GPI: variants seen among roughly 807,000 people sequenced by gnomAD.
GPI encodes the protein glucose-6-phosphate isomerase.
GPI carries 56 observed loss-of-function variants against 75.8 expected under a neutral mutation model. The ratio of observed to expected loss-of-function variants is 0.74; its 90% confidence interval spans 0.60 to 0.92. The LOEUF (loss-of-function observed/expected upper bound fraction) is 0.92. Among genes scored for constraint, GPI ranks in the 40% least tolerant of loss-of-function variants. The pLI, the probability that GPI is intolerant of heterozygous loss-of-function variation, is 0.00. For synonymous variants in GPI, 288 were observed against 285.4 expected (o/e 1.01, Z -0.09); for missense variants, 638 against 741.0 (o/e 0.86, Z 1.61).
chr19:34,365,578 G>A, intron 1 of GPI, 190 bp downstream of exon 1: 1 of 989,098 alleles, frequency 1.0e-6, no homozygotes, highest in Non-Finnish European at 1.5e-6. Context: ...CTGGGGGCTT[G>A]CAGCCTCGCC....
chr19:34,399,666 A>G, intron 16 of GPI, 35 bp downstream of exon 16: 1 of 1,613,430 alleles, frequency 6.2e-7, no homozygotes, highest in Non-Finnish European at 8.5e-7. Flanking sequence ...GGCTTGGGGT[A>G]GGTTGGAATG....
At chr19:34,382,820 T>C (rs1005511541) in intron 9 of GPI, among the ~76,000 whole-genome samples, 5 of 152,218 alleles carry the variant, frequency 3.3e-5, no homozygotes, top group Non-Finnish European at 5.9e-5. Context: ...CACAGGAACA[T>C]GGGGCCAGGG....
upstream of GPI, chr19:34,364,900 C>T (rs922480247): frequency 1.4e-6 from 2 of 1,387,894 alleles, no homozygotes. Flanking sequence ...ACAGGGAGTG[C>T]AGCGGCGCGA....
intron 9 of GPI, among the ~76,000 whole-genome samples, chr19:34,386,866 A>T (rs1465127261): frequency 6.6e-6 from 1 of 151,608 alleles, no homozygotes; most frequent in African/African-American, 2.4e-5. Flanking sequence ...AAGTTGGTAG[A>T]ACTACGCATC....
intron 9 of GPI, among the ~76,000 whole-genome samples, chr19:34,387,425 A>G (rs537680974): frequency 6.4e-4 from 98 of 151,980 alleles, no homozygotes; most frequent in Non-Finnish European, 1.2e-3. Context: ...CTACGGATCC[A>G]GGCTCAATGG....
chr19:34,380,787 C>A, intron 8 of GPI: 2 of 173,788 alleles, frequency 1.2e-5, no homozygotes, highest in Middle Eastern at 3.0e-3. Flanking sequence ...CTCCCTCCCA[C>A]CCCCTCCACC....
intron 14 of GPI, chr19:34,398,255 A>C (rs917595310): frequency 6.6e-6 from 1 of 151,870 alleles, no homozygotes; most frequent in Non-Finnish European, 1.5e-5. Context: ...GAGTCTCAGT[A>C]TGTTGCCCAA....
chr19:34,395,440 G>A (rs2074930370), intron 12 of GPI, among the ~76,000 whole-genome samples: 2 of 152,112 alleles, frequency 1.3e-5, no homozygotes, highest in Admixed American at 1.3e-4. Flanking sequence ...TACTTGGGAG[G>A]CTGAGGCAAG....
chr19:34,367,244 TG>T, intron 3 of GPI: 1 of 355,502 alleles, frequency 2.8e-6, no homozygotes, highest in South Asian at 2.2e-5. Flanking sequence ...GAAGCAGTGG[TG>T]AGGCCAGGCC....
Position 34,393,814 on chromosome 19 carries a change from C to T in GPI, c.909+43C>T, listed in dbSNP as rs754835570. ...TTCTCTGCCAAGTGCTGGCCAGAGGCGCGTGTGTTGGTCCTGGTCCCCCGC... is the reference window on the plus strand; with the variant it reads ...TTCTCTGCCAAGTGCTGGCCAGAGGTGCGTGTGTTGGTCCTGGTCCCCCGC... On this transcript the variant is annotated intron_variant, in intron 11 of 17. Transcript: ENST00000356487. This position sits in a 1 kb window ranked among gnomAD's most constrained non-coding sequence, Gnocchi z 4.4. 6.8e-6 allele frequency: 11 copies of T among 1,608,330 alleles called. No homozygotes were observed. The highest frequency in any genetic ancestry group is 2.2e-5 in the East Asian group (1 of 44,852).
In GPI at chr19:34,368,874, G is replaced by A. The variant is rs2074407880; in HGVS notation, c.402+172G>A. 5.4e-6 allele frequency: 4 copies of A among 737,546 alleles called. No homozygotes were observed. In the East Asian group the frequency reaches 1.1e-4, roughly 20 times the overall value. The allele number at this position is 737,546 out of a possible 1,614,324, so 45.7% of individuals were successfully genotyped here. A position where few individuals can be genotyped will look rare whatever the true frequency, so the allele number is the denominator to read the frequency against. On this transcript the variant is annotated intron_variant, in intron 4 of 17. Transcript: ENST00000356487. The stretch of plus-strand genomic sequence containing the variant: ...CGCTGACCCTGGAGTCTCTGCTGAG[G>A]CCTGAATTTCTCCTGGCTCTGCTCT...
intron 9 of GPI, among the ~76,000 whole-genome samples, chr19:34,383,441 C>T (rs1424252923): frequency 6.6e-6 from 1 of 152,118 alleles, no homozygotes; most frequent in Non-Finnish European, 1.5e-5. Flanking sequence ...GACAGGTGTG[C>T]ACGCTGGGAT....
At chr19:34,370,002 C>T (rs868342013) in intron 4 of GPI, among the ~76,000 whole-genome samples, 5 of 152,246 alleles carry the variant, frequency 3.3e-5, no homozygotes, top group South Asian at 4.1e-4. Context: ...CTGTCATCTC[C>T]TCTTTGAAAC....
In GPI at chr19:34,393,480, C is replaced by T. The variant is rs556259830; in HGVS notation, c.865+172C>T. On this transcript the variant is annotated intron_variant, in intron 10 of 17. Coordinates refer to ENST00000356487, the MANE Select transcript of GPI (RefSeq NM_000175.5). This position sits in a 1 kb window ranked among gnomAD's most constrained non-coding sequence, Gnocchi z 4.4. ...CAGAAGGAAGGTCTGGGTTTTTTTG[C>T]GTGTGCAAGTTGGCCCCCGTCTTTG... 44 of 747,672 alleles carry T rather than the reference C, an allele frequency of 5.9e-5. No homozygotes were observed. The highest frequency in any genetic ancestry group is 4.0e-4 in the East Asian group (15 of 37,532). The allele number at this position is 747,672 out of a possible 1,614,324, so 46.3% of individuals were successfully genotyped here. A position where few individuals can be genotyped will look rare whatever the true frequency, so the allele number is the denominator to read the frequency against.
rs891151836 is a variant in GPI, at chr19:34,375,026, G to A, written c.403-2477G>A. On this transcript the variant is annotated intron_variant, in intron 4 of 17. Transcript: ENST00000356487. ...ATTATAGGCATGAGCCACTGAGTCC[G>A]GCCTGCATATTTAGGTTTTTATTAT... Among the ~76,000 whole-genome samples, 9 of 152,014 alleles carry A rather than the reference G, an allele frequency of 5.9e-5. 1 individual carries two copies. Among genetic ancestry groups the A allele is most frequent in the Admixed American group, 2.6e-4 (4 of 15,260 alleles).
At chr19:34,398,006 C>T (rs898686956) in intron 14 of GPI, 3 of 151,992 alleles carry the variant, frequency 2.0e-5, no homozygotes, top group Non-Finnish European at 2.9e-5. Flanking sequence ...TTTATCTCAG[C>T]CTCCTGAGTA....
chr19:34,377,366 T>C (rs1020231306), intron 4 of GPI, 137 bp from the exon 5 acceptor site: 1 of 319,952 alleles, frequency 3.1e-6, no homozygotes, highest in African/African-American at 3.4e-5. Context: ...TATGGTAAAT[T>C]AAAAACAAAA....
At chr19:34,379,617 A>G in intron 8 of GPI, 55 bp downstream of exon 8, 6 of 1,398,046 alleles carry the variant, frequency 4.3e-6, no homozygotes, top group Non-Finnish European at 6.1e-6. Context: ...CAGCATGTCC[A>G]GGTCATGGCC....
At chr19:34,374,004 G>A (rs937039452) in intron 4 of GPI, among the ~76,000 whole-genome samples, 1 of 151,792 alleles carries the variant, frequency 6.6e-6, no homozygotes, top group African/African-American at 2.4e-5. Context: ...TTTCACTCTT[G>A]TCACCCAGGC....
Sources: allele counts gnomAD v4.1 joint callset (sites outside exome capture counted in the v4.1 genomes callset), GRCh38; gene constraint gnomAD v4.1.1; non-coding constraint Gnocchi (gnomAD v3.1); transcripts MANE v1.5; gene names NCBI Gene and HGNC (gene_info 2026-07-23, HGNC 2026-07-21).